The following PSMD14 variants were observed in gnomAD, a reference collection of about 807,000 sequenced individuals.
The protein encoded by PSMD14 is proteasome 26S subunit, non-ATPase 14.
In PSMD14, 7 loss-of-function variants were observed where a neutral mutation model predicts 41.2. The ratio of observed to expected loss-of-function variants is 0.17; its 90% CI spans 0.10 to 0.32. PSMD14 has a LOEUF of 0.32. Ranked by LOEUF, PSMD14 falls within the 10% of genes least tolerant of loss-of-function variation. The pLI, the probability that PSMD14 is intolerant of heterozygous loss-of-function variation, is 1.00. For synonymous variants in PSMD14, 114 were observed against 122.3 expected (o/e 0.93, Z 0.45); for missense variants, 139 against 375.6 (o/e 0.37, Z 5.21).
intron 3 of PSMD14, among the ~76,000 whole-genome samples, chr2:161,357,103 A>G (rs1683218908): frequency 1.1e-5 from 1 of 91,670 alleles, no homozygotes; most frequent in African/African-American, 4.9e-5. Flanking sequence ...CTTAGTCAAC[A>G]AGGGCTACCC....
At chr2:161,359,728 G>T (rs1683262740) in intron 3 of PSMD14, among the ~76,000 whole-genome samples, 1 of 152,082 alleles carries the variant, frequency 6.6e-6, no homozygotes, top group African/African-American at 2.4e-5. Flanking sequence ...AATGGCTCCA[G>T]GTGGCAGAGG....
intron 10 of PSMD14, among the ~76,000 whole-genome samples, chr2:161,402,932 A>C (rs1683900085): frequency 6.6e-6 from 1 of 152,222 alleles, no homozygotes; most frequent in Admixed American, 6.5e-5. Context: ...GGTATGAAGA[A>C]ATTACTAGTG....
At chr2:161,315,521 T>C (rs1396012720) in intron 1 of PSMD14, among the ~76,000 whole-genome samples, 1 of 152,220 alleles carries the variant, frequency 6.6e-6, no homozygotes, top group African/African-American at 2.4e-5. Context: ...GTGTTCTATA[T>C]CTTTTTGAAA....
chr2:161,404,483 C>T (rs1683923585), intron 10 of PSMD14, among the ~76,000 whole-genome samples: 2 of 152,184 alleles, frequency 1.3e-5, no homozygotes, highest in Admixed American at 6.5e-5. Flanking sequence ...CACCTTTCTT[C>T]CTAATCTTCA....
intron 10 of PSMD14, among the ~76,000 whole-genome samples, chr2:161,398,627 A>C (rs930487158): frequency 6.6e-6 from 1 of 152,096 alleles, no homozygotes; most frequent in Non-Finnish European, 1.5e-5. Context: ...TTTTAAGAAT[A>C]GCATAGAAAC....
chr2:161,320,976 T>C (rs1334585068), intron 3 of PSMD14, among the ~76,000 whole-genome samples: 1 of 152,222 alleles, frequency 6.6e-6, no homozygotes, highest in Admixed American at 6.5e-5. Flanking sequence ...TCCACCTGCC[T>C]CGGCCTCCCA....
chr2:161,356,334 T>C (rs1683197112), intron 3 of PSMD14, among the ~76,000 whole-genome samples: 1 of 152,198 alleles, frequency 6.6e-6, no homozygotes, highest in South Asian at 2.1e-4. Context: ...AGTTGTTTAA[T>C]ACAAAATTAA....
At chr2:161,355,549 TTTTTGTCTTTC>T (rs1371206352) in intron 3 of PSMD14, among the ~76,000 whole-genome samples, 1 of 152,170 alleles carries the variant, frequency 6.6e-6, no homozygotes, top group Non-Finnish European at 1.5e-5. Flanking sequence ...TCTTTCTTTC[TTTTTGTCTTTC>T]TTTTTTTCTT....
At chr2:161,351,471 A>G (rs1407279212) in intron 3 of PSMD14, among the ~76,000 whole-genome samples, 1 of 152,170 alleles carries the variant, frequency 6.6e-6, no homozygotes, top group Non-Finnish European at 1.5e-5. Flanking sequence ...TTCCCATACC[A>G]TTCTGCTCAT....
chr2:161,328,549 C>T (rs955202490), intron 3 of PSMD14, among the ~76,000 whole-genome samples: 17 of 152,030 alleles, frequency 1.1e-4, no homozygotes, highest in African/African-American at 2.4e-4. Flanking sequence ...CCATTCAATA[C>T]GGTAGCCACT....
In PSMD14 at chr2:161,321,431, A is replaced by AT. The variant is rs772926417; in HGVS notation, c.48+2567dup. ...TTGATGAACGAAATGTCCAAGACAT[A>AT]TTTTTTTTTATATCAGTGTCCAAAC... On this transcript the variant is annotated intron_variant, in intron 3 of 11. Coordinates refer to ENST00000409682, the MANE Select transcript of PSMD14 (RefSeq NM_005805.6). Among the ~76,000 whole-genome samples the AT allele has an allele frequency of 2.0e-3, 297 of 151,812 alleles. 2 individuals carry two copies. Among genetic ancestry groups the AT allele is most frequent in the Non-Finnish European group, 3.6e-3 (242 of 67,912 alleles).
intron 5 of PSMD14, among the ~76,000 whole-genome samples, chr2:161,369,584 G>A (rs1056392232): frequency 6.6e-6 from 1 of 151,996 alleles, no homozygotes; most frequent in Non-Finnish European, 1.5e-5. Context: ...AGCCTTGGGA[G>A]CTATAAAGAC....
chr2:161,386,791 T>A (rs1184287494), intron 8 of PSMD14, among the ~76,000 whole-genome samples: 1 of 151,992 alleles, frequency 6.6e-6, no homozygotes, highest in East Asian at 1.9e-4. Context: ...AAGATCATTG[T>A]GATTACTACA....
In PSMD14 at chr2:161,316,504, A is replaced by T. The variant is rs570482704; in HGVS notation, c.-70A>T. Reference sequence around the variant, plus strand: ...GCCAGAATTAGCAAGAGCTTTCTTTAAGAAGACATTTGTCAAACTCAACAA... The same window carrying T: ...GCCAGAATTAGCAAGAGCTTTCTTTTAGAAGACATTTGTCAAACTCAACAA... On this transcript the variant is annotated 5_prime_UTR_variant, in exon 2 of 12. Coordinates refer to ENST00000409682, the MANE Select transcript of PSMD14 (RefSeq NM_005805.6). 8.1e-4 allele frequency: 124 copies of T among 152,338 alleles called. No individual in the cohort carries two copies. Among genetic ancestry groups the T allele is most frequent in the African/African-American group, 2.8e-3 (117 of 41,580 alleles). 9.4% of individuals were successfully genotyped at this position (152,338 alleles called of 1,614,324 possible).
chr2:161,308,960 G>C (rs769615421), intron 1 of PSMD14, among the ~76,000 whole-genome samples: 4 of 152,172 alleles, frequency 2.6e-5, no homozygotes, highest in Non-Finnish European at 4.4e-5. Context: ...GGAAAACAAG[G>C]GAGAGAGAGT....
chr2:161,402,503 T>C (rs1286336812), intron 10 of PSMD14, among the ~76,000 whole-genome samples: 2 of 151,904 alleles, frequency 1.3e-5, no homozygotes, highest in African/African-American at 4.8e-5. Context: ...TAGCTGGGTG[T>C]GGTGGCATGC....
chr2:161,309,395 G>A (rs185082764), intron 1 of PSMD14, among the ~76,000 whole-genome samples: 5 of 152,040 alleles, frequency 3.3e-5, no homozygotes, highest in South Asian at 2.1e-4. Flanking sequence ...TGGAAAGGCA[G>A]GGGAAAGGGT....
chr2:161,318,974 A>G (rs1002825179), intron 3 of PSMD14, 101 bp downstream of exon 3: 29 of 853,932 alleles, frequency 3.4e-5, no homozygotes, highest in African/African-American at 6.9e-5. Context: ...ATCACCTAAC[A>G]GATAACTCTA....
intron 10 of PSMD14, among the ~76,000 whole-genome samples, chr2:161,402,643 A>G (rs1377838859): frequency 6.6e-6 from 1 of 150,882 alleles, no homozygotes; most frequent in African/African-American, 2.4e-5. Context: ...TCTGTCTCTT[A>G]AACAAAACAA....
Sources: allele counts gnomAD v4.1 joint callset (sites outside exome capture counted in the v4.1 genomes callset), GRCh38; gene constraint gnomAD v4.1.1; transcripts MANE v1.5; gene names NCBI Gene and HGNC (gene_info 2026-07-23, HGNC 2026-07-21).